MYO18B: variants seen among roughly 807,000 people sequenced by gnomAD.
MYO18B encodes unconventional myosin-XVIIIb.
A neutral mutation model predicts 273.0 loss-of-function variants in MYO18B; 204 were observed. The observed-to-expected ratio is 0.75, with a 90% CI of 0.67 to 0.84. MYO18B has a LOEUF of 0.84. MYO18B is among the 40% of genes least tolerant of loss of function. The probability of loss-of-function intolerance (pLI) is 0.00; values close to 1 mark genes in which losing one functional copy is unlikely to be tolerated. For missense variants in MYO18B, 3,212 were observed against 3,287.6 expected, an observed-to-expected ratio of 0.98 and a Z score of 0.56; for synonymous variants, 1,330 against 1,305.7, an observed-to-expected ratio of 1.02 and a Z score of -0.40.
chr22:25,926,095 C>T (rs2092417187), intron 34 of MYO18B, among the ~76,000 whole-genome samples: 1 of 151,464 alleles, frequency 6.6e-6, no homozygotes, highest in African/African-American at 2.4e-5. Context: ...GTTCCAGCTA[C>T]TAGGAAGGCT....
the MYO18B span, among the ~76,000 whole-genome samples, chr22:26,041,371 A>C: frequency 6.6e-6 from 1 of 150,462 alleles, no homozygotes; most frequent in Non-Finnish European, 1.5e-5. Context: ...AAAAAAAAAA[A>C]ACAAAACTAG....
At chr22:25,821,317 G>C (rs201198562) in intron 12 of MYO18B, among the ~76,000 whole-genome samples, 4 of 112,524 alleles carry the variant, frequency 3.6e-5, no homozygotes, top group African/African-American at 1.5e-4. Context: ...TTTTTTTTTT[G>C]CATCCTTGCC....
chr22:25,979,942 A>G (rs2093132334), intron 39 of MYO18B, among the ~76,000 whole-genome samples: 1 of 152,032 alleles, frequency 6.6e-6, no homozygotes, highest in Admixed American at 6.5e-5. Context: ...CCCCTTCCTC[A>G]CCATTGAAGC....
chr22:25,883,062 G>C lies in MYO18B; in HGVS notation c.4314+5014G>C, dbSNP rs187949421. 1.1e-3 allele frequency among the ~76,000 whole-genome samples: 163 copies of C among 151,624 alleles called. No individual in the cohort carries two copies. The highest frequency in any genetic ancestry group is 2.0e-3 in the Non-Finnish European group (133 of 67,870). On this transcript the variant is annotated intron_variant, in intron 25 of 43. Coordinates refer to ENST00000335473, the MANE Select transcript of MYO18B (RefSeq NM_032608.7). The surrounding 1 kb of genome is among the most constrained non-coding windows in gnomAD (Gnocchi z 7.6). ...CAGGCGTGCATCACCATGCCTGGCT[G>C]TTTTTTTTCAATTTTGGTAGAGATG... is the stretch of plus-strand genomic sequence containing the variant.
In MYO18B at chr22:26,028,772, C is replaced by T. The variant is rs554500120; in HGVS notation, c.*12+1082C>T. ...GCGTGGTAGCGGGTGCCTGTAGTCC[C>T]AGCTACTGGGGAGGCTGAGGCAGGA... On this transcript the variant is annotated intron_variant, in intron 43 of 43. Coordinates refer to ENST00000335473, the MANE Select transcript of MYO18B (RefSeq NM_032608.7). 1.1e-3 allele frequency among the ~76,000 whole-genome samples: 172 copies of T among 151,812 alleles called. 5 individuals are homozygous for T. Among genetic ancestry groups the T allele is most frequent in the Non-Finnish European group, 4.9e-4 (33 of 67,978 alleles).
chr22:26,020,628 G>A (rs945870695), intron 42 of MYO18B, among the ~76,000 whole-genome samples: 1 of 152,232 alleles, frequency 6.6e-6, no homozygotes, highest in Non-Finnish European at 1.5e-5. Flanking sequence ...TAACTGTAGT[G>A]TCTTTTGCCT....
chr22:25,881,492 G>C (rs1195780024), intron 25 of MYO18B, among the ~76,000 whole-genome samples: 1 of 152,232 alleles, frequency 6.6e-6, no homozygotes, highest in Non-Finnish European at 1.5e-5. Context: ...AAATTGGAGA[G>C]CTGTGGGCTG....
intron 39 of MYO18B, among the ~76,000 whole-genome samples, chr22:25,977,386 G>A (rs957814261): frequency 2.0e-5 from 3 of 151,848 alleles, no homozygotes; most frequent in Admixed American, 6.6e-5. Context: ...TCTCTCCTGG[G>A]ACTGCTGTGA....
At chr22:25,805,308 G>C (rs761704) in intron 12 of MYO18B, among the ~76,000 whole-genome samples, 1 of 152,210 alleles carries the variant, frequency 6.6e-6, no homozygotes, top group Non-Finnish European at 1.5e-5. Flanking sequence ...CTTGGACTGG[G>C]ACTCAGGTCT....
intron 40 of MYO18B, among the ~76,000 whole-genome samples, chr22:25,995,492 A>G (rs1933140217): frequency 6.6e-6 from 1 of 152,246 alleles, no homozygotes; most frequent in Non-Finnish European, 1.5e-5. Flanking sequence ...CACCTGTATC[A>G]AAACATCTCA....
rs116864657 is a variant in MYO18B, at chr22:25,943,056, G to C, written c.5518-3081G>C. Reference sequence around the variant, plus strand: ...AACCCTCTGCTGAAGTAGGGGCTGGGCAGATGGGAACTGTGTCATCGTGTT... The same window carrying C: ...AACCCTCTGCTGAAGTAGGGGCTGGCCAGATGGGAACTGTGTCATCGTGTT... On this transcript the variant is annotated intron_variant, in intron 34 of 43. Coordinates refer to ENST00000335473, the MANE Select transcript of MYO18B (RefSeq NM_032608.7). 2.4e-3 allele frequency among the ~76,000 whole-genome samples: 360 copies of C among 152,232 alleles called. 1 individual carries two copies. The highest frequency in any genetic ancestry group is 0.018 in the East Asian group (91 of 5,166).
intron 21 of MYO18B, among the ~76,000 whole-genome samples, chr22:25,861,057 T>A (rs4820660): frequency 0.041 from 6,178 of 152,070 alleles, 176 homozygotes; most frequent in East Asian, 0.13. Context: ...CCTGGCTGAT[T>A]TTGTTTTTTA....
intron 42 of MYO18B, among the ~76,000 whole-genome samples, chr22:26,014,390 A>C (rs1935147083): frequency 1.3e-5 from 2 of 152,204 alleles, no homozygotes; most frequent in Admixed American, 1.3e-4. Flanking sequence ...TAGCATTGGA[A>C]GTATAAGTTC....
chr22:25,760,434 A>AAAAAAAAAAAAAAAAC (rs59165419), intron 1 of MYO18B, among the ~76,000 whole-genome samples: 1 of 111,530 alleles, frequency 9.0e-6, no homozygotes, highest in Non-Finnish European at 1.8e-5. Flanking sequence ...AAAAAAAAAA[A>AAAAAAAAAAAAAAAAC]CACAAAAACA....
At chr22:25,845,246 C>T (rs184220458) in intron 18 of MYO18B, among the ~76,000 whole-genome samples, 5 of 152,260 alleles carry the variant, frequency 3.3e-5, no homozygotes, top group East Asian at 3.9e-4. Context: ...TGGCCGGGCG[C>T]GGTGGCTCAC....
At chr22:25,863,516 T>G (rs889391697) in intron 21 of MYO18B, among the ~76,000 whole-genome samples, 1 of 151,566 alleles carries the variant, frequency 6.6e-6, no homozygotes, top group African/African-American at 2.4e-5. Context: ...ATCTGTCTCC[T>G]CATGGTGTGG....
chr22:26,042,380 T>C, the MYO18B span, among the ~76,000 whole-genome samples: 4,928 of 152,306 alleles, frequency 0.032, 300 homozygotes, highest in African/African-American at 0.11. Context: ...CCCTTCTTCC[T>C]CTAGACCCAT....
intron 39 of MYO18B, among the ~76,000 whole-genome samples, chr22:25,959,955 G>T (rs767554456): frequency 6.6e-6 from 1 of 152,188 alleles, no homozygotes; most frequent in East Asian, 1.9e-4. Flanking sequence ...GCAGTGGGAA[G>T]GATGTTGATG....
chr22:25,966,899 AAG>A (rs2092985499), intron 39 of MYO18B, among the ~76,000 whole-genome samples: 1 of 152,208 alleles, frequency 6.6e-6, no homozygotes, highest in South Asian at 2.1e-4. Context: ...CATCTAACGA[AAG>A]AGTTTCTTTG....
Sources: allele counts gnomAD v4.1 joint callset (sites outside exome capture counted in the v4.1 genomes callset), GRCh38; gene constraint gnomAD v4.1.1; non-coding constraint Gnocchi (gnomAD v3.1); transcripts MANE v1.5; gene names NCBI Gene and HGNC (gene_info 2026-07-23, HGNC 2026-07-21).